NPAS3: variants seen among roughly 807,000 people sequenced by gnomAD.
NPAS3 encodes the protein neuronal PAS domain-containing protein 3.
In NPAS3, 14 loss-of-function variants were observed where a neutral mutation model predicts 73.1. The observed-to-expected ratio is 0.19, with a 90% CI of 0.13 to 0.30. The LOEUF is 0.30. Among genes scored for constraint, NPAS3 ranks in the 10% least tolerant of loss-of-function variants. The probability of loss-of-function intolerance (pLI) is 1.00; values close to 1 mark genes in which losing one functional copy is unlikely to be tolerated. For synonymous variants in NPAS3, 620 were observed against 541.5 expected (o/e 1.14, Z -2.01); for missense variants, 1,096 against 1,250.0 (o/e 0.88, Z 1.86).
chr14:33,643,395 A>C (rs146825316), intron 5 of NPAS3, among the ~76,000 whole-genome samples: 14 of 147,196 alleles, frequency 9.5e-5, no homozygotes, highest in African/African-American at 3.2e-4. Flanking sequence ...AAAAAAAAAA[A>C]AAACGAGAGA....
chr14:33,718,113 A>G (rs1423245088), intron 6 of NPAS3, among the ~76,000 whole-genome samples: 1 of 152,070 alleles, frequency 6.6e-6, no homozygotes, highest in Non-Finnish European at 1.5e-5. Context: ...GCAGCTGCTG[A>G]CTTGCAAACT....
chr14:32,964,371 C>T (rs7144419), intron 1 of NPAS3, among the ~76,000 whole-genome samples: 57 of 151,920 alleles, frequency 3.8e-4, no homozygotes, highest in African/African-American at 1.3e-3. Flanking sequence ...AATTTGATAG[C>T]CAGGATTGCA....
At chr14:33,607,593 T>C (rs899582642) in intron 5 of NPAS3, among the ~76,000 whole-genome samples, 5 of 152,186 alleles carry the variant, frequency 3.3e-5, no homozygotes, top group Non-Finnish European at 7.4e-5. Context: ...TGTGATTGTA[T>C]AGAGGCTTCA....
rs1595350735 is a variant in NPAS3 at position 33,644,178 on chromosome 14, C to A, written c.559-32033C>A. Among the ~76,000 whole-genome samples, 2 of 152,276 alleles carry A rather than the reference C, an allele frequency of 1.3e-5. 1 individual carries two copies. Among genetic ancestry groups the A allele is most frequent in the Middle Eastern group, 6.8e-3 (2 of 294 alleles). Reference sequence around the variant, plus strand: ...TCATAATATTTGCATAATTTATTAACACACTGATCAAAATGTGCCTTTTGC... The same window carrying A: ...TCATAATATTTGCATAATTTATTAAAACACTGATCAAAATGTGCCTTTTGC... On this transcript the variant is annotated intron_variant, in intron 5 of 11. Coordinates refer to ENST00000356141, the Ensembl canonical transcript of NPAS3.
chr14:33,070,670 A>G (rs2041455393), intron 2 of NPAS3, among the ~76,000 whole-genome samples: 1 of 152,222 alleles, frequency 6.6e-6, no homozygotes, highest in South Asian at 2.1e-4. Context: ...GGGTCAGAGC[A>G]CCAAGCTGCT....
chr14:32,983,052 G>T (rs541740682), intron 1 of NPAS3, among the ~76,000 whole-genome samples: 2 of 152,236 alleles, frequency 1.3e-5, no homozygotes, highest in Admixed American at 1.3e-4. Context: ...GGTATAATTA[G>T]AGAAGAAAAA....
At chr14:33,143,898 T>A (rs1351562900) in intron 2 of NPAS3, among the ~76,000 whole-genome samples, 1 of 152,222 alleles carries the variant, frequency 6.6e-6, no homozygotes, top group Non-Finnish European at 1.5e-5. Context: ...AATCAGTACC[T>A]CATTCCTTTT....
chr14:33,162,452 T>C (rs1054277768), intron 2 of NPAS3, among the ~76,000 whole-genome samples: 1 of 152,138 alleles, frequency 6.6e-6, no homozygotes, highest in African/African-American at 2.4e-5. Flanking sequence ...ACACTTAGAA[T>C]TAATAAGGAC....
intron 8 of NPAS3, among the ~76,000 whole-genome samples, chr14:33,776,542 A>T: frequency 6.9e-6 from 1 of 144,948 alleles, no homozygotes; most frequent in African/African-American, 2.6e-5. Flanking sequence ...AAAAAAAAAA[A>T]AAAAAAAAAA....
chr14:33,438,264 T>A (rs1400842161), intron 4 of NPAS3, among the ~76,000 whole-genome samples: 1 of 152,206 alleles, frequency 6.6e-6, no homozygotes, highest in Non-Finnish European at 1.5e-5. Flanking sequence ...AGACAGATCA[T>A]ACTCTTACCC....
chr14:33,564,703 G>C (rs2055838326), intron 5 of NPAS3, among the ~76,000 whole-genome samples: 1 of 152,174 alleles, frequency 6.6e-6, no homozygotes, highest in Non-Finnish European at 1.5e-5. Context: ...GTTAACCAGA[G>C]AATACAATTG....
chr14:33,227,542 G>A (rs546753455), intron 3 of NPAS3, among the ~76,000 whole-genome samples: 16 of 152,236 alleles, frequency 1.1e-4, no homozygotes, highest in Admixed American at 2.6e-4. Context: ...GAGGTTCTTC[G>A]TGAAGGCTAT....
intron 4 of NPAS3, among the ~76,000 whole-genome samples, chr14:33,551,198 A>G (rs1389608764): frequency 6.6e-6 from 1 of 152,222 alleles, no homozygotes; most frequent in Non-Finnish European, 1.5e-5. Flanking sequence ...GGAGATACAA[A>G]TAAAATGTTC....
chr14:33,196,852 C>A (rs76434939), intron 2 of NPAS3, among the ~76,000 whole-genome samples: 1 of 152,138 alleles, frequency 6.6e-6, no homozygotes, highest in African/African-American at 2.4e-5. Context: ...TCATCTCTCT[C>A]ACAATTTGTA....
chr14:33,650,186 C>G (rs1416715028), intron 5 of NPAS3, among the ~76,000 whole-genome samples: 5 of 152,140 alleles, frequency 3.3e-5, no homozygotes, highest in African/African-American at 9.7e-5. Flanking sequence ...GAAAATCTTG[C>G]GCATTGTAAC....
rs961157514 is a variant in NPAS3 at position 33,073,257 on chromosome 14, G to A, written c.140+17263G>A. On this transcript the variant is annotated intron_variant, in intron 2 of 11. Transcript: ENST00000356141. Reference sequence around the variant, plus strand: ...ATCCTCAGTCTCAAAGAAGTTGCATGCCAGTGGGGCAATGAGGCATATAAT... The same window carrying A: ...ATCCTCAGTCTCAAAGAAGTTGCATACCAGTGGGGCAATGAGGCATATAAT... 4.3e-4 allele frequency among the ~76,000 whole-genome samples: 66 copies of A among 152,182 alleles called. 1 individual carries two copies. Among genetic ancestry groups the A allele is most frequent in the African/African-American group, 1.2e-4 (5 of 41,434 alleles).
intron 4 of NPAS3, among the ~76,000 whole-genome samples, chr14:33,444,605 G>A (rs1195222721): frequency 6.6e-6 from 1 of 152,222 alleles, no homozygotes; most frequent in Non-Finnish European, 1.5e-5. Context: ...AGGGTCCAAG[G>A]ACTACTGGGG....
At chr14:33,246,375 TA>T (rs2048375666) in intron 3 of NPAS3, among the ~76,000 whole-genome samples, 1 of 151,700 alleles carries the variant, frequency 6.6e-6, no homozygotes, top group African/African-American at 2.4e-5. Flanking sequence ...CCGTCTCTAC[TA>T]AAAATATAAA....
intron 5 of NPAS3, among the ~76,000 whole-genome samples, chr14:33,664,898 C>T (rs1318700354): frequency 6.6e-6 from 1 of 152,226 alleles, no homozygotes; most frequent in African/African-American, 2.4e-5. Context: ...AACGCTTTTA[C>T]ACCGTTGGTG....
Sources: gnomAD v4.1 joint callset for allele counts (sites outside exome capture counted in the v4.1 genomes callset) on GRCh38, gnomAD v4.1.1 for gene constraint, MANE v1.5 for transcripts, NCBI Gene and HGNC (gene_info 2026-07-23, HGNC 2026-07-21) for gene names.